Variants in ST18 observed in about 807,000 individuals in gnomAD.
The protein encoded by ST18 is suppression of tumorigenicity 18 protein.
ST18 carries 50 observed loss-of-function variants against 110.0 expected under a neutral mutation model. That is an observed-to-expected ratio of 0.45 (90% CI 0.36 to 0.58). The LOEUF (loss-of-function observed/expected upper bound fraction) is 0.58. Ranked by LOEUF, ST18 falls within the 20% of genes least tolerant of loss-of-function variation. The pLI is 0.00. For missense variants in ST18, 1,306 were observed against 1,280.1 expected, an observed-to-expected ratio of 1.02 and a Z score of -0.31; for synonymous variants, 461 against 452.4, an observed-to-expected ratio of 1.02 and a Z score of -0.24.
At chr8:52,380,866 T>C (rs1834265190) in intron 2 of ST18, among the ~76,000 whole-genome samples, 1 of 152,160 alleles carries the variant, frequency 6.6e-6, no homozygotes, top group Admixed American at 6.5e-5. Context: ...TGAATCCTTG[T>C]AACGTAAGCT....
intron 8 of ST18, among the ~76,000 whole-genome samples, chr8:52,188,239 T>A (rs2073132046): frequency 6.6e-6 from 1 of 152,058 alleles, no homozygotes; most frequent in South Asian, 2.1e-4. Flanking sequence ...AAACAGGAAA[T>A]ATATGCTAGC....
chr8:52,314,943 T>C (rs561668721), intron 2 of ST18, among the ~76,000 whole-genome samples: 35 of 152,174 alleles, frequency 2.3e-4, no homozygotes, highest in African/African-American at 7.7e-4. Flanking sequence ...TGAAGGACAG[T>C]GGACAGAGAG....
intron 2 of ST18, among the ~76,000 whole-genome samples, chr8:52,265,612 TG>T: frequency 6.6e-6 from 1 of 152,188 alleles, no homozygotes. Flanking sequence ...CAGAATTTGC[TG>T]GTGGTGAGAT....
chr8:52,370,627 T>C (rs1829928994), intron 2 of ST18, among the ~76,000 whole-genome samples: 1 of 152,220 alleles, frequency 6.6e-6, no homozygotes, highest in African/African-American at 2.4e-5. Flanking sequence ...CTCAATGTTA[T>C]TGAAATAATC....
At chr8:52,218,554 ATTTTTTTTTTTT>A (rs745791743) in intron 5 of ST18, among the ~76,000 whole-genome samples, 1 of 100,890 alleles carries the variant, frequency 9.9e-6, no homozygotes, top group Admixed American at 1.1e-4. Flanking sequence ...TGCCTGGCTA[ATTTTTTTTTTTT>A]TTTTTTTTTT....
intron 2 of ST18, among the ~76,000 whole-genome samples, chr8:52,266,146 T>G (rs1490317892): frequency 6.6e-6 from 1 of 152,180 alleles, no homozygotes; most frequent in Non-Finnish European, 1.5e-5. Context: ...AGAGCAGTTT[T>G]GGGAATGGTA....
intron 2 of ST18, among the ~76,000 whole-genome samples, chr8:52,388,685 A>C (rs998880853): frequency 9.2e-5 from 14 of 151,622 alleles, no homozygotes; most frequent in African/African-American, 3.4e-4. Flanking sequence ...GAAAGGAGAG[A>C]GAAGTCTACT....
At chr8:52,332,711 C>T (rs191639062) in intron 2 of ST18, among the ~76,000 whole-genome samples, 1 of 151,712 alleles carries the variant, frequency 6.6e-6, no homozygotes, top group Non-Finnish European at 1.5e-5. Flanking sequence ...ATTAGCCAGG[C>T]GTGGTGGCGC....
intron 2 of ST18, among the ~76,000 whole-genome samples, chr8:52,307,013 T>C (rs2095824488): frequency 6.6e-6 from 1 of 151,924 alleles, no homozygotes; most frequent in Non-Finnish European, 1.5e-5. Context: ...CAAACTGAGG[T>C]TTTGTCTATA....
chr8:52,147,625 T>C (rs2057689406), intron 16 of ST18, among the ~76,000 whole-genome samples: 1 of 151,820 alleles, frequency 6.6e-6, no homozygotes, highest in African/African-American at 2.4e-5. Flanking sequence ...GCATACGGCA[T>C]CGAGATATTC....
At chr8:52,171,731 A>G in intron 10 of ST18, 61 bp downstream of exon 10, 1 of 1,554,214 alleles carries the variant, frequency 6.4e-7, no homozygotes, top group Admixed American at 1.9e-5. Context: ...ATCAAATCTG[A>G]CTTTTTTTTC....
chr8:52,219,324 T>A (rs2085704457), intron 5 of ST18, among the ~76,000 whole-genome samples: 1 of 152,168 alleles, frequency 6.6e-6, no homozygotes, highest in Non-Finnish European at 1.5e-5. Flanking sequence ...TTTCTAGTTT[T>A]GTTTTCATGC....
chr8:52,197,660 TA>T (rs1462782840), intron 8 of ST18, among the ~76,000 whole-genome samples: 1 of 151,130 alleles, frequency 6.6e-6, no homozygotes, highest in Non-Finnish European at 1.5e-5. Flanking sequence ...AAAGATAAAA[TA>T]AAAAGAAGGA....
chr8:52,190,779 C>T (rs2074218972), intron 8 of ST18, among the ~76,000 whole-genome samples: 2 of 152,076 alleles, frequency 1.3e-5, no homozygotes, highest in Admixed American at 1.3e-4. Flanking sequence ...TTGATGATAC[C>T]ATGCTAAGGA....
At chr8:52,196,900 T>A (rs191660400) in intron 8 of ST18, among the ~76,000 whole-genome samples, 78 of 152,284 alleles carry the variant, frequency 5.1e-4, no homozygotes, top group Admixed American at 4.1e-3. Context: ...GTGGAAACAC[T>A]TTTTGCAGTT....
chr8:52,192,795 A>G (rs998547773), intron 8 of ST18, among the ~76,000 whole-genome samples: 8 of 152,216 alleles, frequency 5.3e-5, no homozygotes, highest in African/African-American at 1.9e-4. Flanking sequence ...CTTGGTTCCC[A>G]AGGGGAGAAT....
intron 5 of ST18, 88 bp from the exon 6 acceptor site, chr8:52,217,989 A>T (rs1430068988): frequency 6.6e-6 from 1 of 152,194 alleles, no homozygotes; most frequent in South Asian, 2.1e-4. Flanking sequence ...CCAATTACTG[A>T]CATGTGGGGA....
chr8:52,176,802 A>G (rs1477833163), intron 9 of ST18, among the ~76,000 whole-genome samples: 2 of 152,206 alleles, frequency 1.3e-5, no homozygotes, highest in Non-Finnish European at 2.9e-5. Flanking sequence ...TGTCTCCTTT[A>G]GTAACACTGG....
At chr8:52,334,259 T>A (rs1226771588) in intron 2 of ST18, among the ~76,000 whole-genome samples, 1 of 152,202 alleles carries the variant, frequency 6.6e-6, no homozygotes, top group East Asian at 1.9e-4. Flanking sequence ...ATAAACAAAT[T>A]TTCACTAAAA....
Sources: allele counts gnomAD v4.1 joint callset (sites outside exome capture counted in the v4.1 genomes callset), GRCh38; gene constraint gnomAD v4.1.1; transcripts MANE v1.5; gene names NCBI Gene and HGNC (gene_info 2026-07-23, HGNC 2026-07-21).